Variants in RNF38 observed in about 807,000 individuals in gnomAD.
RNF38 encodes E3 ubiquitin-protein ligase RNF38.
Under a neutral mutation model 67.2 loss-of-function variants are expected in RNF38, and 15 were observed. The ratio of observed to expected loss-of-function variants is 0.22; its 90% CI spans 0.15 to 0.34. RNF38 has a LOEUF of 0.34. Among genes scored for constraint, RNF38 ranks in the 10% least tolerant of loss-of-function variants. The pLI, the probability that RNF38 is intolerant of heterozygous loss-of-function variation, is 1.00. For missense variants in RNF38, 524 were observed against 639.9 expected, an observed-to-expected ratio of 0.82 and a Z score of 1.95; for synonymous variants, 220 against 218.8, an observed-to-expected ratio of 1.01 and a Z score of -0.05.
intron 2 of RNF38, among the ~76,000 whole-genome samples, chr9:36,420,508 G>A (rs1477236481): frequency 2.8e-5 from 3 of 107,488 alleles, no homozygotes; most frequent in African/African-American, 9.3e-5. Flanking sequence ...CTCCAGCCTG[G>A]GCAACAGAGC....
At chr9:36,386,269 T>C (rs1836628396) in intron 2 of RNF38, among the ~76,000 whole-genome samples, 1 of 152,220 alleles carries the variant, frequency 6.6e-6, no homozygotes, top group Admixed American at 6.5e-5. Context: ...TGACAATTTT[T>C]GGAAAAGTTT....
At chr9:36,400,908 C>T (rs377016709), upstream of RNF38, 46 of 924,082 alleles carry the variant, frequency 5.0e-5, no homozygotes, top group East Asian at 4.8e-3. Context: ...CTCCCCGCCC[C>T]GCCGCGCCCC....
chr9:36,453,963 T>C (rs954876238), intron 1 of RNF38, among the ~76,000 whole-genome samples: 8 of 152,134 alleles, frequency 5.3e-5, no homozygotes, highest in East Asian at 1.9e-4. Flanking sequence ...GGGGAGAAGG[T>C]AGAAGTGGAG....
At chr9:36,471,106 C>T (rs1177965737) in intron 1 of RNF38, among the ~76,000 whole-genome samples, 1 of 152,136 alleles carries the variant, frequency 6.6e-6, no homozygotes, top group Non-Finnish European at 1.5e-5. Flanking sequence ...AAGGCACTTC[C>T]AGTTTCACTT....
In RNF38 at chr9:36,357,771, T is replaced by A. The variant is rs780614672; in HGVS notation, c.738+4A>T. 5 of 1,612,470 alleles carry A rather than the reference T, an allele frequency of 3.1e-6. No individual in the cohort carries two copies. The Admixed American group carries it at 8.3e-5, about 27-fold the overall frequency. On this transcript the variant is annotated splice_donor_region_variant and intron_variant, in intron 5 of 11. Coordinates refer to ENST00000259605, the MANE Select transcript of RNF38 (RefSeq NM_022781.5). ...ATCTAATGAGAACAAAGATAGAGAC[T>A]TACTGGAGGAGGCACACTACAGACA...
chr9:36,420,201 G>A (rs1587105771), intron 2 of RNF38, among the ~76,000 whole-genome samples: 2 of 152,256 alleles, frequency 1.3e-5, no homozygotes, highest in East Asian at 3.9e-4. Context: ...GAATAAAGCA[G>A]TCCCTACTTC....
At chr9:36,350,392 G>C (rs1053145142) in intron 9 of RNF38, among the ~76,000 whole-genome samples, 3 of 152,166 alleles carry the variant, frequency 2.0e-5, no homozygotes, top group African/African-American at 7.2e-5. Context: ...ACATTTAGTG[G>C]CTCCTTCCTC....
intron 1 of RNF38, among the ~76,000 whole-genome samples, chr9:36,439,196 A>T (rs905156948): frequency 6.6e-6 from 1 of 152,258 alleles, no homozygotes; most frequent in African/African-American, 2.4e-5. Flanking sequence ...TTTAAAATAC[A>T]AAAATTATAT....
chr9:36,473,229 G>A (rs1369138933), intron 1 of RNF38, among the ~76,000 whole-genome samples: 1 of 151,436 alleles, frequency 6.6e-6, no homozygotes, highest in Non-Finnish European at 1.5e-5. Context: ...AGGAGGCTGA[G>A]GCAGGAGGAT....
intron 5 of RNF38, among the ~76,000 whole-genome samples, chr9:36,356,822 C>T (rs1406703634): frequency 6.6e-6 from 1 of 152,004 alleles, no homozygotes; most frequent in Non-Finnish European, 1.5e-5. Flanking sequence ...CAAACACTAC[C>T]GGTATTTCAA....
chr9:36,464,709 C>T lies in RNF38; in HGVS notation n.241+22599G>A, dbSNP rs112779377. The stretch of plus-strand genomic sequence containing the variant: ...AAATTAATATACATACACTGTATAG[C>T]TAAGAATGGAAGGAAATGGCAAAAC... On this transcript the variant is annotated intron_variant and non_coding_transcript_variant, in intron 1 of 3. Coordinates refer to the RNF38 transcript ENST00000488058. Among the ~76,000 whole-genome samples, 309 of 152,090 alleles carry T rather than the reference C, an allele frequency of 2.0e-3. 1 individual carries two copies. Among genetic ancestry groups the T allele is most frequent in the African/African-American group, 7.3e-3 (304 of 41,470 alleles).
intron 1 of RNF38, chr9:36,487,259 G>A (rs1412960093): frequency 1.0e-6 from 1 of 979,316 alleles, no homozygotes; most frequent in African/African-American, 1.8e-5. Context: ...CCCCACCCGC[G>A]GGACCGACCC....
At chr9:36,427,840 A>G (rs1340545550) in intron 1 of RNF38, among the ~76,000 whole-genome samples, 1 of 151,862 alleles carries the variant, frequency 6.6e-6, no homozygotes, top group Non-Finnish European at 1.5e-5. Context: ...CCTCCCGAGT[A>G]GCTGGGATTA....
chr9:36,378,778 A>G (rs970577366), intron 2 of RNF38, among the ~76,000 whole-genome samples: 3 of 152,244 alleles, frequency 2.0e-5, no homozygotes, highest in African/African-American at 7.2e-5. Flanking sequence ...AGTAGAGGTA[A>G]GGAAAGTGGC....
chr9:36,352,730 GAA>G lies in RNF38; in HGVS notation c.1178+10_1178+11del. 13 of 1,574,504 alleles carry G rather than the reference GAA, an allele frequency of 8.3e-6. No homozygotes were observed. Among genetic ancestry groups the G allele is most frequent in the Non-Finnish European group, 1.1e-5 (13 of 1,144,116 alleles). On this transcript the variant is annotated intron_variant, in intron 8 of 11. Coordinates refer to ENST00000259605, the MANE Select transcript of RNF38 (RefSeq NM_022781.5). ...CAAAATTCAGAAATCATTAAGATAA[GAA>G]AGAACTTACAACACATATGGCAGTA...
chr9:36,350,719 T>C (rs1018765498), intron 9 of RNF38, among the ~76,000 whole-genome samples: 3 of 152,338 alleles, frequency 2.0e-5, no homozygotes, highest in African/African-American at 7.2e-5. Context: ...CCTGTTATCA[T>C]AGCTATGTGG....
chr9:36,354,239 C>A (rs908498148), intron 6 of RNF38, among the ~76,000 whole-genome samples: 23 of 152,178 alleles, frequency 1.5e-4, no homozygotes, highest in African/African-American at 5.6e-4. Flanking sequence ...CTTGCCCAGG[C>A]TGGAGTGCAG....
intron 1 of RNF38, among the ~76,000 whole-genome samples, chr9:36,473,156 A>AT (rs1481965228): frequency 6.6e-6 from 1 of 151,690 alleles, no homozygotes; most frequent in Non-Finnish European, 1.5e-5. Flanking sequence ...AACACAATAA[A>AT]TAAAAAAATA....
At chr9:36,438,741 A>G (rs948343429) in intron 1 of RNF38, among the ~76,000 whole-genome samples, 1 of 152,230 alleles carries the variant, frequency 6.6e-6, no homozygotes, top group East Asian at 1.9e-4. Context: ...CCTGAAAGAA[A>G]GAATCTCCTC....
Sources: gnomAD v4.1 joint callset for allele counts (sites outside exome capture counted in the v4.1 genomes callset) on GRCh38, gnomAD v4.1.1 for gene constraint, MANE v1.5 for transcripts, NCBI Gene and HGNC (gene_info 2026-07-23, HGNC 2026-07-21) for gene names.